Variants in MACF1 observed in about 807,000 individuals in gnomAD.
MACF1 encodes the protein microtubule-actin cross-linking factor 1.
In MACF1, 193 loss-of-function variants were observed where a neutral mutation model predicts 854.8. The ratio of observed to expected loss-of-function variants is 0.23; its 90% CI spans 0.20 to 0.25. The LOEUF (loss-of-function observed/expected upper bound fraction) is 0.25. Ranked by LOEUF, MACF1 falls within the 10% of genes least tolerant of loss-of-function variation. The pLI, the probability that MACF1 is intolerant of heterozygous loss-of-function variation, is 1.00. For synonymous variants in MACF1, 3,185 were observed against 3,226.7 expected, an observed-to-expected ratio of 0.99 and a Z score of 0.44; for missense variants, 7,722 against 8,929.1, an observed-to-expected ratio of 0.86 and a Z score of 5.45.
intron 2 of MACF1, among the ~76,000 whole-genome samples, chr1:39,240,072 C>T (rs973541421): frequency 6.6e-6 from 1 of 152,006 alleles, no homozygotes; most frequent in African/African-American, 2.4e-5. Context: ...TTCTCTATTT[C>T]TGTTTGAGAC....
At chr1:39,143,636 G>T (rs1643396405) in intron 2 of MACF1, among the ~76,000 whole-genome samples, 1 of 152,150 alleles carries the variant, frequency 6.6e-6, no homozygotes, top group Admixed American at 6.5e-5. Flanking sequence ...TCTTATGCAG[G>T]TTGCCCTTAC....
At chr1:39,181,255 C>T (rs1644101297) in intron 2 of MACF1, among the ~76,000 whole-genome samples, 1 of 152,124 alleles carries the variant, frequency 6.6e-6, no homozygotes, top group Non-Finnish European at 1.5e-5. Flanking sequence ...GGGGATCCTC[C>T]AAATCAGGGG....
rs1209329448 is a variant in MACF1, at chr1:39,360,936, C to G, written c.12388C>G (p.Leu4130Val). ...LQSIGEVEQN[L>V]EGKQVSSLSS... ...GTCTATTGGGGAAGTTGAACAAAAC[C>G]TGGAAGGGAAGCAGGTGTCATCACT... The change falls in exon 48 of 101, where the codon CTG becomes GTG. Residue 4130 changes from leucine (L) to valine (V), a missense_variant. Physicochemically the swap from Leu to Val is conservative, Grantham distance 32. Around this residue, in one of 15 missense-constraint regions of MACF1, gnomAD observed 2,807 missense variants for 3,235.8 expected, o/e 0.87. Coordinates refer to ENST00000564288, the MANE Select transcript of MACF1 (RefSeq NM_001394062.1). 4 of 1,613,898 alleles carry G rather than the reference C, an allele frequency of 2.5e-6. No individual in the cohort carries two copies. The highest frequency in any genetic ancestry group is 1.7e-5 in the Admixed American group (1 of 59,980).
chr1:39,153,076 G>C (rs1643616287), intron 2 of MACF1, among the ~76,000 whole-genome samples: 1 of 152,190 alleles, frequency 6.6e-6, no homozygotes, highest in Admixed American at 6.5e-5. Context: ...AACTGTTCTT[G>C]CGGGTGGTAG....
chr1:39,404,157 A>G (rs866521628), intron 58 of MACF1, among the ~76,000 whole-genome samples: 2,724 of 137,526 alleles, frequency 0.02, 64 homozygotes, highest in African/African-American at 0.083. Context: ...AAGTAAATAA[A>G]TAAATAAATA....
At chr1:39,308,921 G>T (rs986920118) in intron 23 of MACF1, among the ~76,000 whole-genome samples, 73 of 152,280 alleles carry the variant, frequency 4.8e-4, no homozygotes, top group African/African-American at 1.7e-3. Flanking sequence ...CTCCCAAAGT[G>T]CTGGGATTAC....
intron 97 of MACF1, among the ~76,000 whole-genome samples, chr1:39,471,814 T>G (rs1482990634): frequency 1.3e-5 from 2 of 148,300 alleles, no homozygotes; most frequent in African/African-American, 4.8e-5. Context: ...CATTTTGAAA[T>G]AGAACTCATT....
At chr1:39,168,564 A>T (rs1643905219) in intron 2 of MACF1, among the ~76,000 whole-genome samples, 1 of 152,098 alleles carries the variant, frequency 6.6e-6, no homozygotes. Context: ...CCTGGGCTCA[A>T]ACTATCTTCC....
intron 2 of MACF1, 142 bp downstream of exon 2, chr1:39,231,385 CT>C (rs1449485000): frequency 1.2e-5 from 9 of 760,186 alleles, no homozygotes; most frequent in Middle Eastern, 2.4e-4. Context: ...CTTTTCTCTT[CT>C]TTTCTTTTTT....
rs766377801 is a variant in MACF1 at position 39,334,861 on chromosome 1, T to C, written c.8273T>C (p.Met2758Thr). The change falls in exon 37 of 101, where the codon ATG becomes ACG. Residue 2758 changes from methionine (M) to threonine (T), a missense_variant. This residue lies in a region of MACF1 where 1,531 missense variants were observed against 1,601.6 expected (regional missense o/e 0.96). Transcript: ENST00000564288. ...KRLISPELAN[M>T]IQIDSSEFSD... ...CTGATCAGCCCTGAACTGGCAAATA[T>C]GATCCAAATAGATAGTTCAGAGTTC... The C allele has an allele frequency of 6.8e-6, 11 of 1,614,058 alleles. No homozygotes were observed. The highest frequency in any genetic ancestry group is 1.6e-4 in the Middle Eastern group (1 of 6,084).
chr1:39,249,744 T>G (rs578209718), intron 2 of MACF1: 1 of 270,144 alleles, frequency 3.7e-6, no homozygotes, highest in South Asian at 5.5e-5. Flanking sequence ...CCCCATCTTC[T>G]TGTCCAAACT....
At chr1:39,244,350 C>T (rs896674044) in intron 2 of MACF1, among the ~76,000 whole-genome samples, 2 of 152,056 alleles carry the variant, frequency 1.3e-5, no homozygotes, top group South Asian at 2.1e-4. Context: ...GTCGTGATCT[C>T]GGTTCACTGC....
rs530401670 is a variant in MACF1, at chr1:39,386,323, C to T, written c.14344+394C>T. Among the ~76,000 whole-genome samples the T allele has an allele frequency of 5.3e-5, 8 of 151,504 alleles. No individual in the cohort carries two copies. The East Asian group carries it at 9.7e-4, about 18-fold the overall frequency. On this transcript the variant is annotated intron_variant, in intron 57 of 100. Coordinates refer to ENST00000564288, the MANE Select transcript of MACF1 (RefSeq NM_001394062.1). ...TCACCCAGGCTGGAGTACAGTAGTG[C>T]GATCATGGCTCACTGCACCCTCAAT...
chr1:39,400,799 T>C (rs1389421069), intron 58 of MACF1, among the ~76,000 whole-genome samples: 1 of 152,168 alleles, frequency 6.6e-6, no homozygotes, highest in East Asian at 1.9e-4. Flanking sequence ...TGAGCCATTG[T>C]ATCAAGCCTG....
intron 15 of MACF1, 41 bp downstream of exon 15, chr1:39,287,603 T>C: frequency 6.2e-7 from 1 of 1,606,434 alleles, no homozygotes; most frequent in African/African-American, 1.3e-5. Context: ...CACTGATGTT[T>C]ACTGGATCTG....
At chr1:39,107,482 A>G (rs994040344) in intron 2 of MACF1, among the ~76,000 whole-genome samples, 4 of 152,116 alleles carry the variant, frequency 2.6e-5, no homozygotes, top group East Asian at 3.9e-4. Flanking sequence ...CTCGAGTTGT[A>G]TACGGTGGTC....
intron 47 of MACF1, among the ~76,000 whole-genome samples, chr1:39,359,919 G>A (rs1339550614): frequency 7.0e-6 from 1 of 143,432 alleles, no homozygotes; most frequent in Non-Finnish European, 1.5e-5. Context: ...CCTGGGAGGC[G>A]GAGCTTGCAG....
intron 2 of MACF1, among the ~76,000 whole-genome samples, chr1:39,195,348 T>A (rs534638276): frequency 6.6e-6 from 1 of 152,212 alleles, no homozygotes; most frequent in Non-Finnish European, 1.5e-5. Context: ...CCCGCCCCCA[T>A]TCTTGCTCTT....
chr1:39,400,002 A>C (rs1642415749), intron 58 of MACF1, among the ~76,000 whole-genome samples: 1 of 152,198 alleles, frequency 6.6e-6, no homozygotes, highest in East Asian at 1.9e-4. Flanking sequence ...AAGAAATTCT[A>C]ATCTTAGCCT....
Sources: allele counts gnomAD v4.1 joint callset (sites outside exome capture counted in the v4.1 genomes callset), GRCh38; gene constraint gnomAD v4.1.1; regional missense constraint gnomAD v4.1.1; transcripts MANE v1.5; gene names NCBI Gene and HGNC (gene_info 2026-07-23, HGNC 2026-07-21).